The following EPS15 variants were observed in gnomAD, a reference collection of about 807,000 sequenced individuals.
The protein encoded by EPS15 is epidermal growth factor receptor substrate 15.
EPS15 carries 72 observed loss-of-function variants against 113.8 expected under a neutral mutation model. The ratio of observed to expected loss-of-function variants is 0.63; its 90% CI spans 0.52 to 0.77. The LOEUF is 0.77. Among genes scored for constraint, EPS15 ranks in the 30% least tolerant of loss-of-function variants. EPS15 has a pLI of 0.00. For missense variants in EPS15, 1,048 were observed against 1,045.8 expected (o/e 1.00, Z -0.03); for synonymous variants, 344 against 363.4 (o/e 0.95, Z 0.61).
intron 10 of EPS15, among the ~76,000 whole-genome samples, chr1:51,446,196 T>A (rs1475757605): frequency 6.6e-6 from 1 of 152,196 alleles, no homozygotes; most frequent in Non-Finnish European, 1.5e-5. Flanking sequence ...CATTTTCATA[T>A]ACATTATCTC....
At position 51,472,951 on chromosome 1, in the gene EPS15, G is replaced by A; in HGVS notation, c.76-3C>T. On this transcript the variant is annotated splice_region_variant and splice_polypyrimidine_tract_variant and intron_variant, in intron 2 of 24. Coordinates refer to ENST00000371733, the MANE Select transcript of EPS15 (RefSeq NM_001981.3). ...CTTCCAGTATTGCCTGTATCAACCT[G>A]AAAAGATACAAATCCGTAAGTTGAC... The A allele has an allele frequency of 6.2e-7, 1 of 1,607,630 alleles. No homozygotes were observed. The highest frequency in any genetic ancestry group is 8.5e-7 in the Non-Finnish European group (1 of 1,174,826).
At chr1:51,360,437 T>C (rs569372339) in intron 24 of EPS15, among the ~76,000 whole-genome samples, 8 of 152,334 alleles carry the variant, frequency 5.3e-5, no homozygotes, top group South Asian at 2.1e-4. Context: ...CCATGGTTGG[T>C]TGCCCCATTT....
At chr1:51,358,373 A>G (rs1315142081) in intron 24 of EPS15, among the ~76,000 whole-genome samples, 8 of 152,228 alleles carry the variant, frequency 5.3e-5, no homozygotes, top group Non-Finnish European at 1.5e-5. Flanking sequence ...CTTAACACTC[A>G]TAATTATTAT....
At chr1:51,430,282 T>G (rs1233686796) in intron 12 of EPS15, among the ~76,000 whole-genome samples, 1 of 151,982 alleles carries the variant, frequency 6.6e-6, no homozygotes. Flanking sequence ...GAATTCAGAG[T>G]TCATGGCCGG....
chr1:51,454,221 C>T (rs963174198), intron 8 of EPS15, among the ~76,000 whole-genome samples: 21 of 152,090 alleles, frequency 1.4e-4, no homozygotes, highest in Non-Finnish European at 4.4e-5. Flanking sequence ...ATAATGAAGA[C>T]CCAAACAAAT....
At chr1:51,458,234 T>A (rs1654162972) in intron 8 of EPS15, 1 of 152,660 alleles carries the variant, frequency 6.6e-6, no homozygotes, top group African/African-American at 2.4e-5. Context: ...GTCTACTATT[T>A]AAAACAAAAT....
intron 14 of EPS15, among the ~76,000 whole-genome samples, chr1:51,409,036 T>C (rs912610268): frequency 3.9e-5 from 6 of 152,152 alleles, no homozygotes; most frequent in African/African-American, 1.4e-4. Context: ...TCCGCCTGCC[T>C]CGGCCTCCCA....
chr1:51,361,898 TTG>T (rs1255046263), intron 23 of EPS15, among the ~76,000 whole-genome samples: 3 of 152,208 alleles, frequency 2.0e-5, no homozygotes, highest in Admixed American at 6.5e-5. Context: ...TGCCAATTTT[TTG>T]TTATTTACTG....
intron 1 of EPS15, among the ~76,000 whole-genome samples, chr1:51,494,343 A>G (rs1644291814): frequency 6.6e-6 from 1 of 152,190 alleles, no homozygotes; most frequent in Non-Finnish European, 1.5e-5. Flanking sequence ...CATGGGCCCA[A>G]TAGACTTTGA....
Position 51,400,928 on chromosome 1 carries a change from A to C in EPS15, c.1908T>G (p.Phe636Leu), listed in dbSNP as rs772271363. The change falls in exon 19 of 25, where the codon TTT becomes TTG. Residue 636 changes from phenylalanine to leucine, a missense_variant. Phe to Leu is a conservative substitution (Grantham distance 22). Coordinates refer to ENST00000371733, the MANE Select transcript of EPS15 (RefSeq NM_001981.3). ...CAATAAGATACTGACCGATTTTTCCAAAAGGATCATCCTTGAAAGGATCAC... is the reference window on the plus strand; with the variant it reads ...CAATAAGATACTGACCGATTTTTCCCAAAGGATCATCCTTGAAAGGATCAC... ...VGSDPFKDDP[F>L]GKIDPFGGDP... 6.3e-7 allele frequency: 1 copy of C among 1,586,140 alleles called. No individual in the cohort carries two copies. Among genetic ancestry groups the C allele is most frequent in the South Asian group, 1.2e-5 (1 of 86,822 alleles).
intron 1 of EPS15, among the ~76,000 whole-genome samples, chr1:51,482,663 G>T (rs576714281): frequency 2.0e-5 from 3 of 151,798 alleles, no homozygotes; most frequent in Non-Finnish European, 2.9e-5. Context: ...ATGGGGTTTC[G>T]CCATGTTGTC....
intron 8 of EPS15, chr1:51,457,681 T>C (rs1654118708): frequency 1.3e-5 from 2 of 152,124 alleles, no homozygotes; most frequent in Non-Finnish European, 2.9e-5. Context: ...AACAAAAGTT[T>C]TGACTGTAAC....
At chr1:51,392,030 T>C (rs2148402525) in intron 21 of EPS15, among the ~76,000 whole-genome samples, 1 of 152,176 alleles carries the variant, frequency 6.6e-6, no homozygotes, top group East Asian at 1.9e-4. Flanking sequence ...CACAGATGAG[T>C]TCCCCCAAGG....
chr1:51,438,317 T>C (rs1236803073), intron 12 of EPS15, among the ~76,000 whole-genome samples: 2 of 152,210 alleles, frequency 1.3e-5, no homozygotes, highest in Non-Finnish European at 2.9e-5. Context: ...ATATTAGATA[T>C]GTTATTTTCA....
intron 1 of EPS15, 97 bp from the exon 2 acceptor site, chr1:51,481,411 A>AT (rs1217229415): frequency 2.9e-6 from 2 of 685,370 alleles, no homozygotes; most frequent in African/African-American, 1.9e-5. Context: ...ACAAAGATGA[A>AT]TAAGATAAAA....
chr1:51,386,919 C>A (rs1278346582), intron 21 of EPS15, among the ~76,000 whole-genome samples: 2 of 152,172 alleles, frequency 1.3e-5, no homozygotes, highest in African/African-American at 2.4e-5. Context: ...AGGAGAACTT[C>A]CCCAATCTAG....
chr1:51,404,334 C>T (rs937824293), intron 16 of EPS15, among the ~76,000 whole-genome samples: 7 of 150,814 alleles, frequency 4.6e-5, no homozygotes, highest in Non-Finnish European at 1.0e-4. Flanking sequence ...GCTGAGATTG[C>T]GCCACTGCAC....
At chr1:51,375,348 T>C (rs1385515847) in intron 21 of EPS15, among the ~76,000 whole-genome samples, 2 of 152,128 alleles carry the variant, frequency 1.3e-5, no homozygotes, top group Non-Finnish European at 2.9e-5. Context: ...ATTTTAGAGG[T>C]TGGAGTAGAG....
At chr1:51,422,463 C>T (rs1650847883) in intron 12 of EPS15, among the ~76,000 whole-genome samples, 1 of 152,182 alleles carries the variant, frequency 6.6e-6, no homozygotes, top group Non-Finnish European at 1.5e-5. Flanking sequence ...TCCAATTGAT[C>T]AAATATACAA....
Sources: gnomAD v4.1 joint callset for allele counts (sites outside exome capture counted in the v4.1 genomes callset) on GRCh38, gnomAD v4.1.1 for gene constraint, MANE v1.5 for transcripts, NCBI Gene and HGNC (gene_info 2026-07-23, HGNC 2026-07-21) for gene names.